PTPRQ: variants seen among roughly 807,000 people sequenced by gnomAD.
PTPRQ encodes the protein phosphatidylinositol phosphatase PTPRQ.
PTPRQ carries 199 observed loss-of-function variants against 246.0 expected under a neutral mutation model. The observed-to-expected ratio is 0.81, with a 90% CI of 0.72 to 0.91. The LOEUF is 0.91. Among genes scored for constraint, PTPRQ ranks in the 40% least tolerant of loss-of-function variants. The pLI, the probability that PTPRQ is intolerant of heterozygous loss-of-function variation, is 0.00. For synonymous variants in PTPRQ, 869 were observed against 853.2 expected (o/e 1.02, Z -0.32); for missense variants, 2,624 against 2,528.4 (o/e 1.04, Z -0.81).
At position 80,610,448 on chromosome 12, in the gene PTPRQ, G is replaced by A; in HGVS notation, c.4741G>A (p.Asp1581Asn). The A allele has an allele frequency of 6.7e-7, 1 of 1,486,206 alleles. No homozygotes were observed. Among genetic ancestry groups the A allele is most frequent in the Non-Finnish European group, 9.0e-7 (1 of 1,113,338 alleles). 92.1% of individuals were successfully genotyped at this position (1,486,206 alleles called of 1,614,324 possible). ...TTATATTTTCCTATAGGTAGATAAT[G>A]ATGAATTTAATATATCCTTCATCAA... ...YLIDVKSVDN[D>N]EFNISFIKSN... Residue 1581 changes from aspartate (D) to asparagine (N), a missense_variant, in exon 28 of 45, where the codon GAT becomes AAT. Coordinates refer to ENST00000644991, the MANE Select transcript of PTPRQ (RefSeq NM_001145026.2).
At chr12:80,453,157 T>C (rs546044393) in intron 3 of PTPRQ, among the ~76,000 whole-genome samples, 1 of 152,344 alleles carries the variant, frequency 6.6e-6, no homozygotes, top group East Asian at 1.9e-4. Context: ...GTTGATCGCA[T>C]CGGCTCCTGA....
rs572827329 is a variant in PTPRQ, at chr12:80,554,095, C to T, written c.4285+4361C>T. Among the ~76,000 whole-genome samples the T allele has an allele frequency of 6.7e-4, 101 of 149,938 alleles. 3 individuals carry two copies. The Middle Eastern group carries it at 0.024, about 36-fold the overall frequency. On this transcript the variant is annotated intron_variant, in intron 25 of 44. Transcript: ENST00000644991. ...GGAGGGGCAGGGGGGGTAGGAAAAG[C>T]GGGGATGGTTAAGGATACAAAAACG...
intron 38 of PTPRQ, among the ~76,000 whole-genome samples, chr12:80,657,705 C>T (rs200721382): frequency 4.0e-5 from 6 of 151,288 alleles, no homozygotes; most frequent in Middle Eastern, 3.4e-3. Flanking sequence ...ATGAAAAAAA[C>T]GATTTGCAGA....
chr12:80,639,120 G>T (rs1321007777), intron 35 of PTPRQ, among the ~76,000 whole-genome samples: 1 of 152,188 alleles, frequency 6.6e-6, no homozygotes, highest in Admixed American at 6.5e-5. Context: ...CACTGAGACT[G>T]ACTCACCTTG....
At chr12:80,636,210 C>G (rs538028916) in intron 35 of PTPRQ, among the ~76,000 whole-genome samples, 1 of 152,252 alleles carries the variant, frequency 6.6e-6, no homozygotes, top group African/African-American at 2.4e-5. Flanking sequence ...TACAGTGGTC[C>G]TATCCACAAA....
intron 30 of PTPRQ, 70 bp from the exon 31 acceptor site, chr12:80,619,314 G>T: frequency 6.8e-7 from 1 of 1,480,138 alleles, no homozygotes; most frequent in South Asian, 1.3e-5. Context: ...TGCATGAAAG[G>T]AGAAAGATTT....
At chr12:80,564,556 G>T (rs1447785706) in intron 25 of PTPRQ, among the ~76,000 whole-genome samples, 1 of 152,118 alleles carries the variant, frequency 6.6e-6, no homozygotes, top group African/African-American at 2.4e-5. Flanking sequence ...CATATTAAGT[G>T]CTGTGGTAGA....
intron 25 of PTPRQ, among the ~76,000 whole-genome samples, chr12:80,572,941 T>C (rs1260543840): frequency 6.6e-6 from 1 of 152,206 alleles, no homozygotes; most frequent in Non-Finnish European, 1.5e-5. Flanking sequence ...TTGTTCAGGA[T>C]AGGTATTGGT....
At position 80,648,910 on chromosome 12, in the gene PTPRQ, A is replaced by G; in HGVS notation, c.5929A>G (p.Arg1977Gly). 6.6e-7 allele frequency: 1 copy of G among 1,526,196 alleles called. No homozygotes were observed. Among genetic ancestry groups the G allele is most frequent in the South Asian group, 1.3e-5 (1 of 78,692 alleles). The allele number at this position is 1,526,196 out of a possible 1,614,324, so 94.5% of individuals were successfully genotyped here. A position where few individuals can be genotyped will look rare whatever the true frequency, so the allele number is the denominator to read the frequency against. The change falls in exon 36 of 45, where the codon AGA (arginine) becomes GGA (glycine). Residue 1977 changes from arginine to glycine, a missense_variant. Arg to Gly is a moderately radical substitution (Grantham distance 125). Coordinates refer to ENST00000644991, the MANE Select transcript of PTPRQ (RefSeq NM_001145026.2). The stretch of plus-strand genomic sequence containing the variant: ...TCTCTATTGCAGGTTACTTAGTTAT[A>G]GAAAATCCATCAAGTAAGTTTGTTA... ...DERLTRLLSYRKSIKPISKKS... is the reference protein window; with the variant it reads ...DERLTRLLSYGKSIKPISKKS...
At chr12:80,512,458 A>G (rs1036429895) in intron 17 of PTPRQ, among the ~76,000 whole-genome samples, 2 of 152,196 alleles carry the variant, frequency 1.3e-5, no homozygotes, top group African/African-American at 4.8e-5. Context: ...GAACTTAGCT[A>G]TAACTTTAGT....
chr12:80,484,409 T>G lies in PTPRQ; in HGVS notation c.1187-24T>G, dbSNP rs1437446230. The G allele has an allele frequency of 8.1e-6, 12 of 1,475,814 alleles. No individual in the cohort carries two copies. The Admixed American group carries it at 2.8e-4, about 34-fold the overall frequency. The allele number at this position is 1,475,814 out of a possible 1,614,324, so 91.4% of individuals were successfully genotyped here. On this transcript the variant is annotated intron_variant, in intron 8 of 44. Coordinates refer to ENST00000644991, the MANE Select transcript of PTPRQ (RefSeq NM_001145026.2). The stretch of plus-strand genomic sequence containing the variant: ...AATATTTTTAATTTCCCCCTTTTCT[T>G]TTCTTTCTTTCTTTCTTTCTTAGTT...
chr12:80,524,486 A>T (rs900587413), intron 17 of PTPRQ, among the ~76,000 whole-genome samples: 2 of 152,164 alleles, frequency 1.3e-5, no homozygotes, highest in Non-Finnish European at 2.9e-5. Context: ...CTTTATCAGC[A>T]GCGTAAAAAC....
intron 34 of PTPRQ, 64 bp from the exon 35 acceptor site, chr12:80,634,881 C>A: frequency 1.3e-6 from 2 of 1,514,394 alleles, no homozygotes; most frequent in South Asian, 1.3e-5. Flanking sequence ...AAAAAGAAAA[C>A]TAAACCTAAT....
chr12:80,523,674 T>A (rs1207623472), intron 17 of PTPRQ, among the ~76,000 whole-genome samples: 2 of 152,192 alleles, frequency 1.3e-5, no homozygotes, highest in Admixed American at 6.5e-5. Context: ...GTTGAGCAGT[T>A]TTGAGAGAGT....
chr12:80,543,637 TTACAA>T (rs1379578571), intron 23 of PTPRQ, among the ~76,000 whole-genome samples: 1 of 152,160 alleles, frequency 6.6e-6, no homozygotes, highest in Non-Finnish European at 1.5e-5. Flanking sequence ...ATTATGAGTA[TTACAA>T]TTTATGACTA....
chr12:80,632,086 C>T, intron 33 of PTPRQ, 106 bp from the exon 34 acceptor site: 1 of 1,386,204 alleles, frequency 7.2e-7, no homozygotes. Flanking sequence ...TAGTATTCTT[C>T]AGCAAAGAAT....
At chr12:80,486,446 G>C (rs1481082158) in intron 9 of PTPRQ, among the ~76,000 whole-genome samples, 1 of 152,118 alleles carries the variant, frequency 6.6e-6, no homozygotes, top group African/African-American at 2.4e-5. Context: ...TTGATGTGGG[G>C]AGACAGATAT....
chr12:80,670,582 A>T, intron 42 of PTPRQ, 90 bp downstream of exon 42: 1 of 1,391,352 alleles, frequency 7.2e-7, no homozygotes, highest in Non-Finnish European at 9.3e-7. Context: ...TGTTCATGTA[A>T]ATTTCTTCCA....
At chr12:80,655,561 G>T (rs370369639) in intron 38 of PTPRQ, among the ~76,000 whole-genome samples, 2 of 150,846 alleles carry the variant, frequency 1.3e-5, no homozygotes, top group African/African-American at 4.9e-5. Flanking sequence ...GTATACCCCC[G>T]GTTCTCTCTG....
Sources: gnomAD v4.1 joint callset for allele counts (sites outside exome capture counted in the v4.1 genomes callset) on GRCh38, gnomAD v4.1.1 for gene constraint, MANE v1.5 for transcripts, NCBI Gene and HGNC (gene_info 2026-07-23, HGNC 2026-07-21) for gene names.